PACRG: variants seen among roughly 807,000 people sequenced by gnomAD.
The protein encoded by PACRG is parkin coregulated gene protein.
A neutral mutation model predicts 29.7 loss-of-function variants in PACRG; 29 were observed. The observed-to-expected ratio is 0.98, with a 90% CI of 0.73 to 1.33. PACRG has a LOEUF of 1.33. Ranked by LOEUF, PACRG falls within the 40% of genes most tolerant of loss-of-function variation. The probability of loss-of-function intolerance (pLI) is 0.00; values close to 1 mark genes in which losing one functional copy is unlikely to be tolerated. For synonymous variants in PACRG, 116 were observed against 118.7 expected (o/e 0.98, Z 0.15); for missense variants, 279 against 316.2 (o/e 0.88, Z 0.89).
At chr6:163,016,434 A>ATT (rs374687175) in intron 2 of PACRG, among the ~76,000 whole-genome samples, 1 of 145,356 alleles carries the variant, frequency 6.9e-6, no homozygotes, top group East Asian at 2.0e-4. Flanking sequence ...CAGAGTCAAG[A>ATT]TTTTTTTTTT....
chr6:162,773,494 ATTTTTTTTTTTTTTT>A (rs71008110), intron 1 of PACRG, among the ~76,000 whole-genome samples: 18 of 66,020 alleles, frequency 2.7e-4, no homozygotes, highest in South Asian at 9.5e-4. Flanking sequence ...ACAGCTTGTC[ATTTTTTTTTTTTTTT>A]TTTTTTTTTT....
intron 4 of PACRG, among the ~76,000 whole-genome samples, chr6:163,269,318 G>C (rs1289953437): frequency 6.6e-6 from 1 of 152,184 alleles, no homozygotes; most frequent in African/African-American, 2.4e-5. Flanking sequence ...GTGAGCATTT[G>C]GCCCAACTTA....
intron 4 of PACRG, among the ~76,000 whole-genome samples, chr6:163,297,057 T>C (rs1232575661): frequency 6.6e-6 from 1 of 152,242 alleles, no homozygotes; most frequent in Non-Finnish European, 1.5e-5. Flanking sequence ...CTATCAGAAA[T>C]TCCAAATCTT....
At chr6:162,930,491 G>A (rs1427888223) in intron 2 of PACRG, among the ~76,000 whole-genome samples, 1 of 151,582 alleles carries the variant, frequency 6.6e-6, no homozygotes, top group African/African-American at 2.4e-5. Context: ...TGGTTTTTTT[G>A]CAGTAAATCT....
intron 4 of PACRG, among the ~76,000 whole-genome samples, chr6:163,203,380 T>C (rs934888074): frequency 1.3e-5 from 2 of 152,130 alleles, no homozygotes; most frequent in East Asian, 3.9e-4. Context: ...GCCATTGCAC[T>C]CCAGCCGGGC....
In PACRG at chr6:162,932,431, AT is replaced by A. The variant is rs372067698; in HGVS notation, c.291+118159del. 6.3e-3 allele frequency among the ~76,000 whole-genome samples: 950 copies of A among 151,352 alleles called. 20 individuals are homozygous for A. The highest frequency in any genetic ancestry group is 0.021 in the African/African-American group (880 of 41,348). ...TCAATAAAGCTTCTAAAAACACACA[AT>A]TTTTTTTTGAAGAGTTTGAGTATAA... is the stretch of plus-strand genomic sequence containing the variant. On this transcript the variant is annotated intron_variant, in intron 2 of 4. Coordinates refer to ENST00000366888, the MANE Select transcript of PACRG (RefSeq NM_001080379.2).
At chr6:163,201,607 G>A (rs543214104) in intron 4 of PACRG, among the ~76,000 whole-genome samples, 1 of 152,298 alleles carries the variant, frequency 6.6e-6, no homozygotes, top group South Asian at 2.1e-4. Context: ...ATATTTACTG[G>A]CAGCTACAGG....
intron 4 of PACRG, among the ~76,000 whole-genome samples, chr6:163,100,475 G>A (rs1815006295): frequency 2.0e-5 from 3 of 152,136 alleles, no homozygotes; most frequent in Admixed American, 6.5e-5. Context: ...CAGGTCAGGA[G>A]CAGAGCACAG....
In PACRG at chr6:162,741,027, C is replaced by T. The variant is rs373262094; in HGVS notation, c.156+12636C>T. ...GATTTGTTCCTCTTCAGTCTGTTAA[C>T]GTTAATTATGTGAATACATATATTC... On this transcript the variant is annotated intron_variant, in intron 1 of 4. Coordinates refer to ENST00000366888, the MANE Select transcript of PACRG (RefSeq NM_001080379.2). Among the ~76,000 whole-genome samples, 18 of 152,204 alleles carry T rather than the reference C, an allele frequency of 1.2e-4. No individual in the cohort carries two copies. In the East Asian group the frequency reaches 1.9e-3, roughly 16 times the overall value.
At chr6:162,807,074 G>C (rs1786408352) in intron 1 of PACRG, among the ~76,000 whole-genome samples, 1 of 152,098 alleles carries the variant, frequency 6.6e-6, no homozygotes, top group Admixed American at 6.5e-5. Context: ...ACCTCTACTA[G>C]CTTCACACTT....
At chr6:163,132,604 A>G (rs576359217) in intron 4 of PACRG, among the ~76,000 whole-genome samples, 1 of 152,312 alleles carries the variant, frequency 6.6e-6, no homozygotes, top group Non-Finnish European at 1.5e-5. Context: ...AACACAGACC[A>G]TGACAGTTAC....
chr6:163,260,037 C>A (rs897878418), intron 4 of PACRG, among the ~76,000 whole-genome samples: 2 of 152,176 alleles, frequency 1.3e-5, no homozygotes, highest in African/African-American at 2.4e-5. Context: ...CCAGGACACA[C>A]GAGGGCCATC....
At chr6:163,280,926 C>A (rs1390481581) in intron 4 of PACRG, among the ~76,000 whole-genome samples, 1 of 152,064 alleles carries the variant, frequency 6.6e-6, no homozygotes, top group Admixed American at 6.5e-5. Context: ...ATGTAAACCA[C>A]AACTTATGGC....
chr6:163,178,038 C>T (rs1201873606), intron 4 of PACRG, among the ~76,000 whole-genome samples: 1 of 152,090 alleles, frequency 6.6e-6, no homozygotes, highest in African/African-American at 2.4e-5. Context: ...GGAGTGTTCC[C>T]ACTACCAAGC....
Position 163,253,585 on chromosome 6 carries a change from G to A in PACRG, c.614-61242G>A, listed in dbSNP as rs191860364. On this transcript the variant is annotated intron_variant, in intron 4 of 4. Coordinates refer to ENST00000366888, the MANE Select transcript of PACRG (RefSeq NM_001080379.2). ...AGGAGACTGAGGCCCAAAGAATTTA[G>A]CCATGTTGTATAAGCTTACTCAGCC... 7.2e-4 allele frequency among the ~76,000 whole-genome samples: 109 copies of A among 152,246 alleles called. 2 individuals carry two copies. The highest frequency in any genetic ancestry group is 2.4e-3 in the African/African-American group (99 of 41,538).
chr6:162,757,831 A>G (rs1782048689), intron 1 of PACRG, among the ~76,000 whole-genome samples: 1 of 152,232 alleles, frequency 6.6e-6, no homozygotes, highest in South Asian at 2.1e-4. Flanking sequence ...AAAAAGACCA[A>G]TATTCTGTAG....
At chr6:163,189,543 A>T (rs1431957669) in intron 4 of PACRG, 2 of 152,234 alleles carry the variant, frequency 1.3e-5, no homozygotes, top group Non-Finnish European at 2.9e-5. Flanking sequence ...CCAATTATTC[A>T]TTGTGGCAGG....
chr6:163,289,513 T>A (rs536203167), intron 4 of PACRG, among the ~76,000 whole-genome samples: 1 of 152,346 alleles, frequency 6.6e-6, no homozygotes, highest in East Asian at 1.9e-4. Flanking sequence ...TACTTAAGAT[T>A]TCATTTGAAA....
At chr6:163,265,089 C>A (rs1019680458) in intron 4 of PACRG, among the ~76,000 whole-genome samples, 1 of 152,158 alleles carries the variant, frequency 6.6e-6, no homozygotes, top group East Asian at 1.9e-4. Flanking sequence ...AGTAAAGAGC[C>A]GGCTTCCACT....
Sources: gnomAD v4.1 joint callset for allele counts (sites outside exome capture counted in the v4.1 genomes callset) on GRCh38, gnomAD v4.1.1 for gene constraint, MANE v1.5 for transcripts, NCBI Gene and HGNC (gene_info 2026-07-23, HGNC 2026-07-21) for gene names.